The following TBC1D5 variants were observed in gnomAD, a reference collection of about 807,000 sequenced individuals.
TBC1D5 encodes TBC1 domain family member 5, also known as TBC1 domain family, member 5.
TBC1D5 carries 75 observed loss-of-function variants against 100.3 expected under a neutral mutation model. The observed-to-expected ratio is 0.75, with a 90% CI of 0.62 to 0.91. The LOEUF is 0.91. TBC1D5 is among the 40% of genes least tolerant of loss of function. The pLI is 0.00. For synonymous variants in TBC1D5, 323 were observed against 325.6 expected (o/e 0.99, Z 0.09); for missense variants, 910 against 942.4 (o/e 0.97, Z 0.45).
At chr3:17,652,657 C>T (rs1465027574) in intron 1 of TBC1D5, among the ~76,000 whole-genome samples, 1 of 152,280 alleles carries the variant, frequency 6.6e-6, no homozygotes, top group Admixed American at 6.5e-5. Flanking sequence ...ATTAGAATGA[C>T]AAATACCTTC....
At chr3:17,466,602 T>G (rs1046741873) in intron 3 of TBC1D5, among the ~76,000 whole-genome samples, 4 of 152,204 alleles carry the variant, frequency 2.6e-5, no homozygotes. Flanking sequence ...GTTCCCAGTA[T>G]AATTTGGGTT....
chr3:17,181,753 T>C (rs911855612), intron 19 of TBC1D5, among the ~76,000 whole-genome samples: 2 of 152,228 alleles, frequency 1.3e-5, no homozygotes, highest in Admixed American at 1.3e-4. Flanking sequence ...TTAGGTCCCT[T>C]GGAAAGTCCC....
At chr3:17,244,041 T>C (rs2076525005) in intron 16 of TBC1D5, among the ~76,000 whole-genome samples, 1 of 152,174 alleles carries the variant, frequency 6.6e-6, no homozygotes, top group Admixed American at 6.6e-5. Context: ...AAAGCAGCCC[T>C]TTTTTGGTGT....
chr3:17,666,490 T>C (rs557948662), intron 1 of TBC1D5, among the ~76,000 whole-genome samples: 1 of 152,334 alleles, frequency 6.6e-6, no homozygotes, highest in East Asian at 1.9e-4. Context: ...CATTTAATTA[T>C]AAGCACTCAA....
At chr3:17,185,289 T>A in intron 18 of TBC1D5, 81 bp from the exon 20 acceptor site, 3 of 1,184,892 alleles carry the variant, frequency 2.5e-6, no homozygotes, top group Non-Finnish European at 3.6e-6. Flanking sequence ...TGATCTAGAC[T>A]AGTTTAAAGA....
intron 3 of TBC1D5, among the ~76,000 whole-genome samples, chr3:17,443,313 T>C (rs1470078607): frequency 6.6e-6 from 1 of 152,208 alleles, no homozygotes; most frequent in African/African-American, 2.4e-5. Context: ...CTTGAAGCCA[T>C]GTACTATGTG....
intron 3 of TBC1D5, among the ~76,000 whole-genome samples, chr3:17,459,200 T>C (rs1000769583): frequency 6.6e-6 from 1 of 152,136 alleles, no homozygotes; most frequent in Non-Finnish European, 1.5e-5. Context: ...AGAGCAGCGG[T>C]CCTCAATCTT....
chr3:17,162,511 A>C (rs1012590338), intron 21 of TBC1D5, among the ~76,000 whole-genome samples: 2 of 152,238 alleles, frequency 1.3e-5, no homozygotes, highest in African/African-American at 4.8e-5. Flanking sequence ...TCAGTCAGAG[A>C]ACATAAACGT....
chr3:17,734,394 A>G (rs960279547), intron 1 of TBC1D5, among the ~76,000 whole-genome samples: 1 of 152,250 alleles, frequency 6.6e-6, no homozygotes, highest in African/African-American at 2.4e-5. Flanking sequence ...ATTAAACAGT[A>G]TTGAGGAAAT....
At chr3:17,620,258 G>A (rs1348999974) in intron 2 of TBC1D5, among the ~76,000 whole-genome samples, 2 of 152,122 alleles carry the variant, frequency 1.3e-5, no homozygotes, top group African/African-American at 2.4e-5. Flanking sequence ...GGGATTACAG[G>A]GGCAAGCCAC....
At chr3:17,598,007 C>CG (rs34477310) in intron 2 of TBC1D5, among the ~76,000 whole-genome samples, 58,913 of 150,774 alleles carry the variant, frequency 0.39, 12,198 homozygotes, top group Middle Eastern at 0.47. Flanking sequence ...CCTGCCCCCC[C>CG]GCCCCCCAAC....
intron 13 of TBC1D5, among the ~76,000 whole-genome samples, chr3:17,351,511 T>C (rs1030342952): frequency 4.6e-5 from 7 of 151,962 alleles, no homozygotes; most frequent in South Asian, 2.1e-4. Flanking sequence ...TTCTCACTCA[T>C]AAGTGGGAGT....
intron 2 of TBC1D5, among the ~76,000 whole-genome samples, chr3:17,527,119 C>T (rs1367761515): frequency 2.6e-5 from 4 of 152,026 alleles, no homozygotes; most frequent in Non-Finnish European, 4.4e-5. Flanking sequence ...ATAAAGAGTT[C>T]GCATATCAAG....
At chr3:17,712,900 C>T (rs533094787) in intron 1 of TBC1D5, among the ~76,000 whole-genome samples, 1 of 152,268 alleles carries the variant, frequency 6.6e-6, no homozygotes, top group South Asian at 2.1e-4. Flanking sequence ...ACTGGCTATA[C>T]ATACCACTCT....
At chr3:17,314,199 G>A (rs1004830384) in intron 13 of TBC1D5, among the ~76,000 whole-genome samples, 15 of 152,248 alleles carry the variant, frequency 9.9e-5, no homozygotes, top group South Asian at 6.2e-4. Context: ...TCTCCAGCAG[G>A]ATCCTAGGGG....
chr3:17,167,314 T>C (rs1575698852), intron 20 of TBC1D5, among the ~76,000 whole-genome samples: 1 of 152,202 alleles, frequency 6.6e-6, no homozygotes, highest in Non-Finnish European at 1.5e-5. Context: ...GGAAACAGCA[T>C]ACTCTTTTTC....
chr3:17,523,995 A>C (rs549338651), intron 2 of TBC1D5, among the ~76,000 whole-genome samples: 1 of 152,316 alleles, frequency 6.6e-6, no homozygotes, highest in South Asian at 2.1e-4. Context: ...AAAGGTTCAG[A>C]AACACTGACA....
chr3:17,717,916 G>C (rs567108715), intron 1 of TBC1D5, among the ~76,000 whole-genome samples: 1 of 152,214 alleles, frequency 6.6e-6, no homozygotes, highest in East Asian at 1.9e-4. Context: ...AGCAGCCCAT[G>C]AAGTATGTCA....
intron 19 of TBC1D5, among the ~76,000 whole-genome samples, chr3:17,177,469 C>T (rs73817203): frequency 0.087 from 13,217 of 152,250 alleles, 707 homozygotes; most frequent in East Asian, 0.17. Flanking sequence ...CTAGGGGAGG[C>T]AGTGGGCTCT....
Sources: gnomAD v4.1 joint callset for allele counts (sites outside exome capture counted in the v4.1 genomes callset) on GRCh38, gnomAD v4.1.1 for gene constraint, MANE v1.5 for transcripts, NCBI Gene and HGNC (gene_info 2026-07-23, HGNC 2026-07-21) for gene names.